The following MYO1D variants were observed in gnomAD, a reference collection of about 807,000 sequenced individuals.
MYO1D encodes the protein unconventional myosin-Id.
A neutral mutation model predicts 122.0 loss-of-function variants in MYO1D; 83 were observed. The ratio of observed to expected loss-of-function variants is 0.68; its 90% CI spans 0.57 to 0.82. The LOEUF (loss-of-function observed/expected upper bound fraction) is 0.82. MYO1D is among the 40% of genes least tolerant of loss of function. The probability of loss-of-function intolerance (pLI) is 0.00; values close to 1 mark genes in which losing one functional copy is unlikely to be tolerated. For missense variants in MYO1D, 1,157 were observed against 1,269.5 expected (o/e 0.91, Z 1.35); for synonymous variants, 464 against 446.9 (o/e 1.04, Z -0.48).
chr17:32,573,389 T>A lies in MYO1D; in HGVS notation c.2864+31698A>T, dbSNP rs1010400450. Among the ~76,000 whole-genome samples, 6 of 152,348 alleles carry A rather than the reference T, an allele frequency of 3.9e-5. No homozygotes were observed. The East Asian group carries it at 1.2e-3, about 29-fold the overall frequency. On this transcript the variant is annotated intron_variant, in intron 21 of 21. Transcript: ENST00000318217. ...CCACAGCTGCCACTCTATTTCTCTC[T>A]TGATTTGGATCTGCTACCTTTGACT...
chr17:32,798,776 G>A (rs1159596044), intron 1 of MYO1D, among the ~76,000 whole-genome samples: 1 of 152,154 alleles, frequency 6.6e-6, no homozygotes, highest in East Asian at 1.9e-4. Context: ...TGGCCACTCT[G>A]CAAAGAGTTT....
At chr17:32,782,740 A>C (rs993905500) in intron 1 of MYO1D, among the ~76,000 whole-genome samples, 2 of 152,306 alleles carry the variant, frequency 1.3e-5, no homozygotes, top group Non-Finnish European at 2.9e-5. Flanking sequence ...GTTTGAGACC[A>C]GCCTGGGCAA....
At chr17:32,538,931 A>G (rs1222432480) in intron 21 of MYO1D, among the ~76,000 whole-genome samples, 1 of 151,994 alleles carries the variant, frequency 6.6e-6, no homozygotes, top group Non-Finnish European at 1.5e-5. Flanking sequence ...GGGGAACATC[A>G]CACACAAGAG....
chr17:32,566,573 G>A (rs2087175556), intron 21 of MYO1D, among the ~76,000 whole-genome samples: 1 of 151,932 alleles, frequency 6.6e-6, no homozygotes. Context: ...ACCTGATCTT[G>A]AGTAGCCACT....
chr17:32,725,440 G>C (rs2089560687), intron 14 of MYO1D, among the ~76,000 whole-genome samples: 1 of 151,944 alleles, frequency 6.6e-6, no homozygotes, highest in African/African-American at 2.4e-5. Context: ...AGAATGTCTT[G>C]AACCTGGGAG....
intron 16 of MYO1D, among the ~76,000 whole-genome samples, chr17:32,689,652 CTTAACAT>C (rs1335688702): frequency 6.6e-6 from 1 of 152,064 alleles, no homozygotes; most frequent in African/African-American, 2.4e-5. Flanking sequence ...TATATTTTCA[CTTAACAT>C]TTATGAAGAA....
intron 1 of MYO1D, among the ~76,000 whole-genome samples, chr17:32,846,879 C>T (rs981700393): frequency 1.9e-4 from 29 of 151,840 alleles, no homozygotes; most frequent in African/African-American, 7.0e-4. Flanking sequence ...TCAAGCTACT[C>T]GGGAGGCTGA....
At chr17:32,718,427 G>T (rs1049011230) in intron 15 of MYO1D, among the ~76,000 whole-genome samples, 1 of 152,204 alleles carries the variant, frequency 6.6e-6, no homozygotes, top group Non-Finnish European at 1.5e-5. Flanking sequence ...GCTGGGCGTG[G>T]TGGCTCATGC....
At chr17:32,780,840 A>C in intron 1 of MYO1D, 56 bp from the exon 2 acceptor site, 1 of 1,518,016 alleles carries the variant, frequency 6.6e-7, no homozygotes, top group Non-Finnish European at 9.1e-7. Flanking sequence ...GAAATGATGT[A>C]TCTGTCCTGT....
At chr17:32,650,668 T>C (rs868223642) in intron 19 of MYO1D, among the ~76,000 whole-genome samples, 2 of 152,172 alleles carry the variant, frequency 1.3e-5, no homozygotes, top group South Asian at 2.1e-4. Context: ...CAAAGACTAA[T>C]CTGCTGTTAA....
At chr17:32,630,820 G>A (rs550149406) in intron 20 of MYO1D, among the ~76,000 whole-genome samples, 7 of 151,978 alleles carry the variant, frequency 4.6e-5, no homozygotes, top group East Asian at 1.9e-4. Flanking sequence ...TGATCCACCC[G>A]CCTCAGCCTC....
At chr17:32,579,437 C>T (rs2087308545) in intron 21 of MYO1D, among the ~76,000 whole-genome samples, 1 of 152,098 alleles carries the variant, frequency 6.6e-6, no homozygotes, top group Admixed American at 6.6e-5. Flanking sequence ...AATTCATGGC[C>T]CTGTCTCACC....
chr17:32,594,296 C>T (rs1303652390), intron 21 of MYO1D: 1 of 341,696 alleles, frequency 2.9e-6, no homozygotes. Flanking sequence ...TAACATGTTG[C>T]CCATTATAAC....
At chr17:32,655,972 C>A (rs1253212533) in intron 17 of MYO1D, among the ~76,000 whole-genome samples, 1 of 152,072 alleles carries the variant, frequency 6.6e-6, no homozygotes, top group Non-Finnish European at 1.5e-5. Flanking sequence ...GATGTGGGGG[C>A]CAGAGAGGAT....
chr17:32,536,523 G>A (rs111597299), intron 21 of MYO1D, among the ~76,000 whole-genome samples: 6 of 152,246 alleles, frequency 3.9e-5, no homozygotes, highest in African/African-American at 1.4e-4. Context: ...ATATTAAAAC[G>A]AATCATAAAT....
intron 1 of MYO1D, among the ~76,000 whole-genome samples, chr17:32,817,446 C>T (rs2090621660): frequency 6.6e-6 from 1 of 152,094 alleles, no homozygotes; most frequent in African/African-American, 2.4e-5. Flanking sequence ...ACATTCTATG[C>T]CTTTTGAAGG....
intron 20 of MYO1D, among the ~76,000 whole-genome samples, chr17:32,636,797 T>C (rs2088105848): frequency 6.6e-6 from 1 of 152,198 alleles, no homozygotes; most frequent in South Asian, 2.1e-4. Context: ...CCTAGGCACT[T>C]CCAGCCCTCT....
At chr17:32,652,079 A>T (rs2088399056) in intron 19 of MYO1D, among the ~76,000 whole-genome samples, 1 of 152,178 alleles carries the variant, frequency 6.6e-6, no homozygotes, top group African/African-American at 2.4e-5. Context: ...GGCTGTTACA[A>T]TGTACAAACC....
chr17:32,824,347 C>T (rs1022612113), intron 1 of MYO1D, among the ~76,000 whole-genome samples: 54 of 152,230 alleles, frequency 3.5e-4, no homozygotes, highest in Admixed American at 2.0e-3. Flanking sequence ...TTTAGGAACT[C>T]GAAAAGTTGG....
Sources: gnomAD v4.1 joint callset for allele counts (sites outside exome capture counted in the v4.1 genomes callset) on GRCh38, gnomAD v4.1.1 for gene constraint, MANE v1.5 for transcripts, NCBI Gene and HGNC (gene_info 2026-07-23, HGNC 2026-07-21) for gene names.